Variants in PAK1 observed in about 807,000 individuals in gnomAD.
PAK1 encodes p21 (RAC1) activated kinase 1, also known as serine/threonine-protein kinase PAK 1.
A neutral mutation model predicts 67.4 loss-of-function variants in PAK1; 29 were observed. The ratio of observed to expected loss-of-function variants is 0.43; its 90% CI spans 0.32 to 0.59. The LOEUF (loss-of-function observed/expected upper bound fraction) is 0.59. Among genes scored for constraint, PAK1 ranks in the 20% least tolerant of loss-of-function variants. The pLI is 0.07. For synonymous variants in PAK1, 223 were observed against 237.4 expected (o/e 0.94, Z 0.56); for missense variants, 337 against 670.7 (o/e 0.50, Z 5.50).
chr11:77,481,600 G>A, the PAK1 span, among the ~76,000 whole-genome samples: 2 of 150,124 alleles, frequency 1.3e-5, no homozygotes, highest in African/African-American at 2.5e-5. Flanking sequence ...GCTTGAACCC[G>A]GGAGGCAGAG....
intron 1 of PAK1, among the ~76,000 whole-genome samples, chr11:77,450,223 G>A (rs961098040): frequency 6.6e-6 from 1 of 152,158 alleles, no homozygotes; most frequent in Admixed American, 6.5e-5. Context: ...GTAGAGTTGG[G>A]AAGAAAGAAC....
At chr11:77,338,482 G>A (rs2007910418) in intron 11 of PAK1, among the ~76,000 whole-genome samples, 1 of 152,126 alleles carries the variant, frequency 6.6e-6, no homozygotes, top group South Asian at 2.1e-4. Context: ...GAATTATCTT[G>A]AGAAACTGGA....
chr11:77,492,989 C>T, the PAK1 span, among the ~76,000 whole-genome samples: 2,100 of 152,252 alleles, frequency 0.014, 18 homozygotes, highest in Middle Eastern at 0.02. Context: ...TGCAGAACTG[C>T]GTGCCCATTA....
chr11:77,348,989 G>A (rs1944838228), intron 9 of PAK1, among the ~76,000 whole-genome samples: 1 of 151,982 alleles, frequency 6.6e-6, no homozygotes, highest in Non-Finnish European at 1.5e-5. Context: ...GCCAGGCATG[G>A]TGGCAGGTTC....
intron 14 of PAK1, chr11:77,329,109 C>T (rs1186238487): frequency 6.6e-6 from 1 of 152,142 alleles, no homozygotes; most frequent in East Asian, 1.9e-4. Flanking sequence ...CTGAATAGAC[C>T]AATAACAGGA....
chr11:77,450,320 T>C (rs368347243), intron 1 of PAK1, among the ~76,000 whole-genome samples: 13 of 152,252 alleles, frequency 8.5e-5, no homozygotes, highest in African/African-American at 3.1e-4. Context: ...TCCCCAACTC[T>C]TGTGCATTAA....
At chr11:77,428,414 A>G (rs4945172) in intron 1 of PAK1, among the ~76,000 whole-genome samples, 1 of 151,958 alleles carries the variant, frequency 6.6e-6, no homozygotes, top group African/African-American at 2.4e-5. Flanking sequence ...ATACAAAAAA[A>G]GAAAAAAATT....
chr11:77,416,735 C>T (rs932602122), intron 1 of PAK1, among the ~76,000 whole-genome samples: 9 of 152,130 alleles, frequency 5.9e-5, no homozygotes, highest in African/African-American at 1.9e-4. Flanking sequence ...GGGCGGATCA[C>T]GAAGTCAGGA....
chr11:77,362,220 T>C (rs563924064), intron 5 of PAK1, among the ~76,000 whole-genome samples: 3 of 152,308 alleles, frequency 2.0e-5, no homozygotes, highest in South Asian at 2.1e-4. Flanking sequence ...ATATAACCAG[T>C]TGACAATAAG....
chr11:77,481,464 C>G, the PAK1 span, among the ~76,000 whole-genome samples: 2 of 151,950 alleles, frequency 1.3e-5, no homozygotes, highest in Non-Finnish European at 2.9e-5. Flanking sequence ...ATCACGAGGT[C>G]AATAGGTCGA....
In PAK1 at chr11:77,470,787, C is replaced by A. The variant is rs150992227; in HGVS notation, c.-22+2765G>T. Among the ~76,000 whole-genome samples the A allele has an allele frequency of 3.1e-3, 470 of 152,254 alleles. 4 individuals carry two copies. The highest frequency in any genetic ancestry group is 0.011 in the African/African-American group (439 of 41,554). On this transcript the variant is annotated intron_variant, in intron 1 of 14. Coordinates refer to ENST00000356341, the MANE Select transcript of PAK1 (RefSeq NM_002576.5). The stretch of plus-strand genomic sequence containing the variant: ...TATTTAGACTTGCAAAACCAACTTG[C>A]AAATTCAAAAGAAACAATCCTGGCT...
At chr11:77,446,511 C>CAAAA (rs56952838) in intron 1 of PAK1, among the ~76,000 whole-genome samples, 757 of 54,738 alleles carry the variant, frequency 0.014, no homozygotes, top group Non-Finnish European at 0.022. Context: ...GACCCTGTCT[C>CAAAA]AAAAAAAAAA....
chr11:77,497,286 G>C, the PAK1 span, among the ~76,000 whole-genome samples: 1 of 152,210 alleles, frequency 6.6e-6, no homozygotes, highest in Non-Finnish European at 1.5e-5. Context: ...GCCCTCAAAA[G>C]GTTGACCAAT....
At position 77,379,237 on chromosome 11, in the gene PAK1, A is replaced by G. The variant is rs950216047; in HGVS notation, c.439+4T>C. On this transcript the variant is annotated splice_donor_region_variant and intron_variant, in intron 4 of 14. Coordinates refer to ENST00000356341, the MANE Select transcript of PAK1 (RefSeq NM_002576.5). ...TGAGACTGCCCTGGACGCAGTTCTC[A>G]TACCTGTAAAGCTCATGTATTTCTG... is the stretch of plus-strand genomic sequence containing the variant. The G allele has an allele frequency of 3.1e-6, 5 of 1,609,172 alleles. No individual in the cohort carries two copies. The highest frequency in any genetic ancestry group is 4.2e-6 in the Non-Finnish European group (5 of 1,177,368).
Position 77,322,801 on chromosome 11 carries a change from C to G in PAK1, c.*473G>C. On this transcript the variant is annotated 3_prime_UTR_variant, in exon 15 of 15. Coordinates refer to ENST00000356341, the MANE Select transcript of PAK1 (RefSeq NM_002576.5). Reference sequence around the variant, plus strand: ...CCTGGCAGATTATCAAACCCCATGGCATTCCCAAGCTGTTCCAGTTTTCAA... The same window carrying G: ...CCTGGCAGATTATCAAACCCCATGGGATTCCCAAGCTGTTCCAGTTTTCAA... 1 of 379,146 alleles carries G rather than the reference C, an allele frequency of 2.6e-6. No homozygotes were observed. The highest frequency in any genetic ancestry group is 4.4e-5 in the East Asian group (1 of 22,554). 23.5% of individuals were successfully genotyped at this position (379,146 alleles called of 1,614,324 possible). A position where few individuals can be genotyped will look rare whatever the true frequency, so the allele number is the denominator to read the frequency against.
chr11:77,383,852 C>T (rs1950143345), intron 2 of PAK1, among the ~76,000 whole-genome samples: 1 of 152,128 alleles, frequency 6.6e-6, no homozygotes, highest in Admixed American at 6.5e-5. Flanking sequence ...CACCACAAAC[C>T]CAGGAGCTAA....
intron 5 of PAK1, among the ~76,000 whole-genome samples, chr11:77,369,886 C>T (rs1948186856): frequency 6.6e-6 from 1 of 152,110 alleles, no homozygotes; most frequent in African/African-American, 2.4e-5. Context: ...TATTTCCTGA[C>T]TTATCTACTT....
rs145343617 is a variant in PAK1, at chr11:77,441,959, A to G, written c.-22+31593T>C. ...GTGTCTGGTTGCTGGTAAAACAGGC[A>G]TGGTTGTGTTACCAACTTAGAAAAA... is the stretch of plus-strand genomic sequence containing the variant. On this transcript the variant is annotated intron_variant, in intron 1 of 14. Transcript: ENST00000356341. Among the ~76,000 whole-genome samples, 45 of 152,308 alleles carry G rather than the reference A, an allele frequency of 3.0e-4. No individual in the cohort carries two copies. In the East Asian group the frequency reaches 7.5e-3, roughly 26 times the overall value.
At chr11:77,482,182 T>G in the PAK1 span, among the ~76,000 whole-genome samples, 1 of 151,758 alleles carries the variant, frequency 6.6e-6, no homozygotes, top group African/African-American at 2.4e-5. Context: ...AGAGATGGGG[T>G]TTCATCATAT....
Sources: gnomAD v4.1 joint callset for allele counts (sites outside exome capture counted in the v4.1 genomes callset) on GRCh38, gnomAD v4.1.1 for gene constraint, MANE v1.5 for transcripts, NCBI Gene and HGNC (gene_info 2026-07-23, HGNC 2026-07-21) for gene names.